The following ENTREP2 variants were observed in gnomAD, a reference collection of about 807,000 sequenced individuals.
ENTREP2 encodes protein ENTREP2.
the ENTREP2 span, chr15:29,151,835 G>C: frequency 6.4e-6 from 10 of 1,551,156 alleles, no homozygotes; most frequent in Admixed American, 2.0e-5. Flanking sequence ...ACGCTGAAGA[G>C]GAGATCCTGC....
chr15:29,414,575 T>A, the ENTREP2 span, among the ~76,000 whole-genome samples: 1 of 151,798 alleles, frequency 6.6e-6, no homozygotes, highest in Admixed American at 6.6e-5. Flanking sequence ...CACCCTAACA[T>A]CACAATTAAA....
At chr15:29,645,158 T>C in the ENTREP2 span, among the ~76,000 whole-genome samples, 13 of 152,152 alleles carry the variant, frequency 8.5e-5, no homozygotes, top group Admixed American at 7.9e-4. Context: ...AAATGGAGCA[T>C]ATGGAAAAGA....
the ENTREP2 span, among the ~76,000 whole-genome samples, chr15:29,214,349 C>T: frequency 6.6e-6 from 1 of 152,156 alleles, no homozygotes; most frequent in African/African-American, 2.4e-5. Flanking sequence ...CCATGCAATA[C>T]TATGCAGCCA....
the ENTREP2 span, among the ~76,000 whole-genome samples, chr15:29,645,215 A>T: frequency 6.6e-6 from 1 of 152,188 alleles, no homozygotes; most frequent in Non-Finnish European, 1.5e-5. Flanking sequence ...TCCAAACCTT[A>T]AAGCCAGGGA....
At chr15:29,345,122 C>T in the ENTREP2 span, among the ~76,000 whole-genome samples, 1 of 152,108 alleles carries the variant, frequency 6.6e-6, no homozygotes, top group Non-Finnish European at 1.5e-5. Context: ...ACTAAGGCTA[C>T]AAGTGCCCGT....
chr15:29,504,733 C>T, the ENTREP2 span, among the ~76,000 whole-genome samples: 3 of 152,264 alleles, frequency 2.0e-5, no homozygotes, highest in African/African-American at 7.2e-5. Context: ...TCAAACTCAC[C>T]AACAAAGAAG....
At chr15:29,658,261 T>TC in the ENTREP2 span, among the ~76,000 whole-genome samples, 1 of 152,196 alleles carries the variant, frequency 6.6e-6, no homozygotes, top group Non-Finnish European at 1.5e-5. Context: ...CTCATTTTTT[T>TC]CTCTCCTGCC....
the ENTREP2 span, among the ~76,000 whole-genome samples, chr15:29,561,663 G>A: frequency 6.6e-6 from 1 of 151,006 alleles, no homozygotes; most frequent in Non-Finnish European, 1.5e-5. Context: ...GCTCCAGCCT[G>A]GGCAACAGAG....
At chr15:29,398,174 A>T in the ENTREP2 span, among the ~76,000 whole-genome samples, 1 of 149,688 alleles carries the variant, frequency 6.7e-6, no homozygotes, top group African/African-American at 2.5e-5. Flanking sequence ...TACTAGATAT[A>T]AACACACAAA....
the ENTREP2 span, chr15:29,269,772 G>C: frequency 4.1e-5 from 56 of 1,374,862 alleles, no homozygotes; most frequent in Non-Finnish European, 5.2e-5. Context: ...TTGCGGGTCG[G>C]CGACCCGCTA....
At chr15:29,195,989 T>C in the ENTREP2 span, among the ~76,000 whole-genome samples, 1 of 152,236 alleles carries the variant, frequency 6.6e-6, no homozygotes, top group Non-Finnish European at 1.5e-5. Flanking sequence ...AAATCACTTT[T>C]TTTTTAAACA....
the ENTREP2 span, among the ~76,000 whole-genome samples, chr15:29,407,641 T>A: frequency 6.6e-6 from 1 of 151,910 alleles, no homozygotes; most frequent in Admixed American, 6.6e-5. Flanking sequence ...GAAGGACATA[T>A]CTCAGCAAAC....
chr15:29,142,793 C>CA, the ENTREP2 span, among the ~76,000 whole-genome samples: 1 of 151,952 alleles, frequency 6.6e-6, no homozygotes, highest in African/African-American at 2.4e-5. Context: ...CCTGAGGCTG[C>CA]AGCAGCTGGC....
At chr15:29,181,906 G>A in the ENTREP2 span, among the ~76,000 whole-genome samples, 19 of 151,920 alleles carry the variant, frequency 1.3e-4, no homozygotes, top group African/African-American at 4.4e-4. Context: ...CTTTAAAATC[G>A]GGAACAAGAC....
chr15:29,629,661 T>C, the ENTREP2 span, among the ~76,000 whole-genome samples: 1 of 152,210 alleles, frequency 6.6e-6, no homozygotes. Context: ...ATTATAATGT[T>C]TGTTTTAACC....
the ENTREP2 span, among the ~76,000 whole-genome samples, chr15:29,663,291 G>A: frequency 1.2e-4 from 18 of 152,050 alleles, no homozygotes; most frequent in South Asian, 2.1e-4. Context: ...AGGCCAAGGC[G>A]GGCGGATCAC....
the ENTREP2 span, chr15:29,196,508 G>A: frequency 3.9e-6 from 6 of 1,551,602 alleles, no homozygotes; most frequent in African/African-American, 1.4e-5. Flanking sequence ...TGCTGCAGCC[G>A]GACGACTGGT....
chr15:29,140,944 C>A, the ENTREP2 span, among the ~76,000 whole-genome samples: 1 of 152,224 alleles, frequency 6.6e-6, no homozygotes, highest in South Asian at 2.1e-4. Flanking sequence ...ATGTGGGCAT[C>A]ACTAGTGCCC....
chr15:29,390,126 AAAAGCAGC>A, the ENTREP2 span, among the ~76,000 whole-genome samples: 1 of 152,208 alleles, frequency 6.6e-6, no homozygotes, highest in Non-Finnish European at 1.5e-5. Flanking sequence ...CGGTTGATGT[AAAAGCAGC>A]TCAGAGCCTC....
Sources: gnomAD v4.1 joint callset for allele counts (sites outside exome capture counted in the v4.1 genomes callset) on GRCh38, gnomAD v4.1.1 for gene constraint, MANE v1.5 for transcripts, NCBI Gene and HGNC (gene_info 2026-07-23, HGNC 2026-07-21) for gene names.